Variants in ANKRD44 observed in about 807,000 individuals in gnomAD.
ANKRD44 encodes the protein serine/threonine-protein phosphatase 6 regulatory ankyrin repeat subunit B.
In ANKRD44, 35 loss-of-function variants were observed where a neutral mutation model predicts 116.0. The observed-to-expected ratio is 0.30, with a 90% confidence interval of 0.23 to 0.40. ANKRD44 has a LOEUF of 0.40. Among genes scored for constraint, ANKRD44 ranks in the 10% least tolerant of loss-of-function variants. ANKRD44 has a pLI of 1.00. For missense variants in ANKRD44, 1,014 were observed against 1,242.6 expected, an observed-to-expected ratio of 0.82 and a Z score of 2.77; for synonymous variants, 435 against 461.8, an observed-to-expected ratio of 0.94 and a Z score of 0.74.
chr2:197,241,093 T>A (rs1379298748), intron 1 of ANKRD44, among the ~76,000 whole-genome samples: 5 of 152,124 alleles, frequency 3.3e-5, no homozygotes, highest in Non-Finnish European at 7.4e-5. Context: ...TCTTTTTGGC[T>A]CTGCATCCTC....
intron 2 of ANKRD44, among the ~76,000 whole-genome samples, chr2:197,163,410 G>A (rs1388239236): frequency 6.6e-6 from 1 of 152,226 alleles, no homozygotes; most frequent in East Asian, 1.9e-4. Flanking sequence ...CAGTTCCTGG[G>A]AGGCCAAGTG....
chr2:197,137,031 T>C (rs939045708), intron 3 of ANKRD44, among the ~76,000 whole-genome samples: 9 of 152,208 alleles, frequency 5.9e-5, no homozygotes, highest in Admixed American at 3.3e-4. Flanking sequence ...CTCAGCTCTA[T>C]GAAGCCATGC....
intron 16 of ANKRD44, among the ~76,000 whole-genome samples, chr2:197,031,701 C>T (rs1028989227): frequency 5.3e-5 from 8 of 151,924 alleles, no homozygotes; most frequent in Non-Finnish European, 1.2e-4. Context: ...AAAATTACCA[C>T]CTAAAAGCAT....
intron 1 of ANKRD44, among the ~76,000 whole-genome samples, chr2:197,264,962 A>T (rs2082703920): frequency 6.6e-6 from 1 of 152,172 alleles, no homozygotes; most frequent in South Asian, 2.1e-4. Context: ...GGTCATTGCC[A>T]TTTACAAAAT....
chr2:197,044,955 C>A (rs988176241), intron 16 of ANKRD44, among the ~76,000 whole-genome samples: 2 of 151,974 alleles, frequency 1.3e-5, no homozygotes, highest in African/African-American at 4.8e-5. Flanking sequence ...AGAGAGGGTG[C>A]TGAATTTGGA....
intron 3 of ANKRD44, among the ~76,000 whole-genome samples, chr2:197,144,172 T>C (rs538389042): frequency 2.6e-5 from 4 of 152,342 alleles, no homozygotes; most frequent in African/African-American, 9.6e-5. Context: ...GTCTTCCCTG[T>C]CTGCTCAGAG....
At chr2:197,063,339 C>T (rs62279191) in intron 16 of ANKRD44, among the ~76,000 whole-genome samples, 1 of 151,988 alleles carries the variant, frequency 6.6e-6, no homozygotes, top group Non-Finnish European at 1.5e-5. Context: ...TAGATAAAAC[C>T]ACAAAGATGG....
Position 197,278,426 on chromosome 2 carries a change from G to A in ANKRD44, c.27+32152C>T, listed in dbSNP as rs552147484. ...GGCTGGAGTGCAGTGGTGTGATCTC[G>A]GCTCACTGCAACCTCCACCTCCCGG... On this transcript the variant is annotated intron_variant, in intron 1 of 27. Transcript: ENST00000282272. Among the ~76,000 whole-genome samples, 8 of 151,432 alleles carry A rather than the reference G, an allele frequency of 5.3e-5. No homozygotes were observed. In the East Asian group the frequency reaches 5.8e-4, roughly 11 times the overall value.
chr2:197,264,302 T>C (rs541327929), intron 1 of ANKRD44, among the ~76,000 whole-genome samples: 17 of 152,304 alleles, frequency 1.1e-4, no homozygotes, highest in African/African-American at 3.8e-4. Flanking sequence ...GCTCAGACCA[T>C]TATAGATGAG....
intron 2 of ANKRD44, among the ~76,000 whole-genome samples, chr2:197,177,364 C>T (rs1383635824): frequency 6.6e-6 from 1 of 152,050 alleles, no homozygotes; most frequent in African/African-American, 2.4e-5. Context: ...CAGGTCCCAC[C>T]AACACCACTT....
At chr2:197,023,060 A>C (rs1431474312) in intron 17 of ANKRD44, among the ~76,000 whole-genome samples, 1 of 152,238 alleles carries the variant, frequency 6.6e-6, no homozygotes, top group African/African-American at 2.4e-5. Flanking sequence ...ATTCACAGTC[A>C]GTGTATGTTG....
At chr2:197,043,164 G>A (rs1254067221) in intron 16 of ANKRD44, among the ~76,000 whole-genome samples, 1 of 152,208 alleles carries the variant, frequency 6.6e-6, no homozygotes, top group Non-Finnish European at 1.5e-5. Flanking sequence ...GAAGAGAGGT[G>A]AAACTGTTGA....
chr2:197,199,807 A>G (rs2081052633), intron 1 of ANKRD44, among the ~76,000 whole-genome samples: 1 of 152,196 alleles, frequency 6.6e-6, no homozygotes, highest in African/African-American at 2.4e-5. Flanking sequence ...CCAGGTCGAT[A>G]GCTACAGGAT....
chr2:197,180,100 T>C (rs997441191), intron 2 of ANKRD44, among the ~76,000 whole-genome samples: 1 of 137,002 alleles, frequency 7.3e-6, no homozygotes, highest in African/African-American at 2.8e-5. Context: ...CCAGAAACAG[T>C]GTCAACGTTT....
Position 196,989,662 on chromosome 2 carries a change from G to T in ANKRD44, c.2924-13C>A. 1 of 1,550,088 alleles carries T rather than the reference G, an allele frequency of 6.5e-7. No homozygotes were observed. Among genetic ancestry groups the T allele is most frequent in the South Asian group, 1.2e-5 (1 of 84,040 alleles). ...TTTGACCTAGAAGCTTTGGCAGAGG[G>T]AGCAGACACAGTATTCACTATGTTG... On this transcript the variant is annotated splice_polypyrimidine_tract_variant and intron_variant, in intron 27 of 27. Transcript: ENST00000282272.
chr2:197,222,005 T>G (rs1014711305), intron 1 of ANKRD44, among the ~76,000 whole-genome samples: 2 of 152,236 alleles, frequency 1.3e-5, no homozygotes, highest in African/African-American at 4.8e-5. Context: ...GATCTCATCC[T>G]ACACCAAAAT....
intron 1 of ANKRD44, among the ~76,000 whole-genome samples, chr2:197,213,455 T>A (rs2081370043): frequency 6.6e-6 from 1 of 152,214 alleles, no homozygotes; most frequent in Non-Finnish European, 1.5e-5. Context: ...TCAAGATCTC[T>A]ATGAAACATA....
downstream of ANKRD44, among the ~76,000 whole-genome samples, chr2:196,982,946 A>G (rs2075812126): frequency 6.6e-6 from 1 of 152,108 alleles, no homozygotes; most frequent in South Asian, 2.1e-4. Flanking sequence ...CAAACACCAC[A>G]TGTTCTCACT....
At position 196,972,068 on chromosome 2, in the gene ANKRD44, T is replaced by C. The variant is rs1042251068; in HGVS notation, c.2369-4622A>G. 3.3e-5 allele frequency among the ~76,000 whole-genome samples: 5 copies of C among 152,222 alleles called. No homozygotes were observed. In the East Asian group the frequency reaches 5.8e-4, roughly 18 times the overall value. On this transcript the variant is annotated intron_variant, in intron 21 of 21. Coordinates refer to the ANKRD44 transcript ENST00000424317. ...TGGTCATGCAGGCTGGGGGTTTGTATGACTACATGCAAGACTCCTCTCAGT... is the reference window on the plus strand; with the variant it reads ...TGGTCATGCAGGCTGGGGGTTTGTACGACTACATGCAAGACTCCTCTCAGT...
Sources: allele counts gnomAD v4.1 joint callset (sites outside exome capture counted in the v4.1 genomes callset), GRCh38; gene constraint gnomAD v4.1.1; transcripts MANE v1.5; gene names NCBI Gene and HGNC (gene_info 2026-07-23, HGNC 2026-07-21).